The following TMPRSS3 variants were observed in gnomAD, a reference collection of about 807,000 sequenced individuals.
The protein encoded by TMPRSS3 is transmembrane protease serine 3.
A neutral mutation model predicts 59.6 loss-of-function variants in TMPRSS3; 55 were observed. That is an observed-to-expected ratio of 0.92 (90% CI 0.74 to 1.16). The LOEUF (loss-of-function observed/expected upper bound fraction) is 1.16. Ranked by LOEUF, TMPRSS3 falls within the 50% of genes most tolerant of loss-of-function variation. TMPRSS3 has a pLI of 0.00. For synonymous variants in TMPRSS3, 257 were observed against 237.7 expected, an observed-to-expected ratio of 1.08 and a Z score of -0.75; for missense variants, 596 against 579.4, an observed-to-expected ratio of 1.03 and a Z score of -0.29.
chr21:42,383,376 T>C lies in TMPRSS3; in HGVS notation c.617-178A>G. On this transcript the variant is annotated intron_variant, in intron 7 of 12. Coordinates refer to ENST00000644384, the MANE Select transcript of TMPRSS3 (RefSeq NM_001256317.3). ...CTCAGCAGGGGAGGTGGTCAGGCTC[T>C]TGGGGAGACCTGAGGATGGTGGGTG... is the stretch of plus-strand genomic sequence containing the variant. The C allele has an allele frequency of 7.4e-6, 5 of 680,114 alleles. No individual in the cohort carries two copies. The South Asian group carries it at 8.9e-5, about 12-fold the overall frequency. The allele number at this position is 680,114 out of a possible 1,614,324, so 42.1% of individuals were successfully genotyped here.
In TMPRSS3 at chr21:42,382,278, C is replaced by T. The variant is rs374527374; in HGVS notation, c.783-44G>A. 4.5e-6 allele frequency: 7 copies of T among 1,566,552 alleles called. No homozygotes were observed. In the African/African-American group the frequency reaches 9.5e-5, roughly 21 times the overall value. On this transcript the variant is annotated intron_variant, in intron 8 of 12. Coordinates refer to ENST00000644384, the MANE Select transcript of TMPRSS3 (RefSeq NM_001256317.3). ...GAGGTGAAGCACAGGAAAAGTCCAA[C>T]CACTGAACTCATTGACCTCAGGTAT... is the stretch of plus-strand genomic sequence containing the variant.
intron 10 of TMPRSS3, 51 bp from the exon 11 acceptor site, chr21:42,376,734 AAC>A (rs2052436822): frequency 1.9e-6 from 3 of 1,612,636 alleles, no homozygotes; most frequent in African/African-American, 1.3e-5. Flanking sequence ...CCCGGCCCAA[AAC>A]ACAGAAGGCG....
chr21:42,386,332 A>G lies in TMPRSS3; in HGVS notation c.447-798T>C, dbSNP rs548168740. On this transcript the variant is annotated intron_variant, in intron 5 of 12. Coordinates refer to ENST00000644384, the MANE Select transcript of TMPRSS3 (RefSeq NM_001256317.3). ...ATGGGGGTGTGTATGTAGAATACAA[A>G]GTTCAGTCAACTTTGAGTTTTGAGG... Among the ~76,000 whole-genome samples the G allele has an allele frequency of 5.2e-5, 8 of 152,386 alleles. No individual in the cohort carries two copies. The East Asian group carries it at 1.3e-3, about 26-fold the overall frequency.
At position 42,388,517 on chromosome 21, in the gene TMPRSS3, C is replaced by T; in HGVS notation, c.332G>A (p.Gly111Asp). 1 of 1,614,190 alleles carries T rather than the reference C, an allele frequency of 6.2e-7. No individual in the cohort carries two copies. The highest frequency in any genetic ancestry group is 8.5e-7 in the Non-Finnish European group (1 of 1,180,046). ...CACCTGGAGCACGGCATTCTGACCA[C>T]CCACCCGGACTGGCCGATGTGCAGA... Reference protein sequence around the residue: ...GEDEYRCVRVGGQNAVLQVFT... With the variant: ...GEDEYRCVRVDGQNAVLQVFT... The change falls in exon 5 of 13, where the codon GGT (glycine) becomes GAT (aspartate). Residue 111 changes from glycine to aspartate, a missense_variant. Physicochemically the swap from Gly to Asp is moderately conservative, Grantham distance 94. Coordinates refer to ENST00000644384, the MANE Select transcript of TMPRSS3 (RefSeq NM_001256317.3). This position sits in a 1 kb window ranked among gnomAD's most constrained non-coding sequence, Gnocchi z 5.1.
chr21:42,376,525 C>T lies in TMPRSS3; in HGVS notation c.1191+16G>A, dbSNP rs778832786. 25 of 1,612,436 alleles carry T rather than the reference C, an allele frequency of 1.6e-5. No homozygotes were observed. The highest frequency in any genetic ancestry group is 1.7e-4 in the Middle Eastern group (1 of 5,746). On this transcript the variant is annotated intron_variant, in intron 11 of 12. Coordinates refer to ENST00000644384, the MANE Select transcript of TMPRSS3 (RefSeq NM_001256317.3). ...GTCACCCTGCCACGGCCTCGCCCAC[C>T]GCTGCGGCCCCGTACCTGGCAGCTG...
rs1240567443 is a variant in TMPRSS3 at position 42,380,126 on chromosome 21, C to T, written c.1039G>A (p.Glu347Lys). 2 of 1,613,944 alleles carry T rather than the reference C, an allele frequency of 1.2e-6. No homozygotes were observed. Among genetic ancestry groups the T allele is most frequent in the Admixed American group, 1.7e-5 (1 of 59,994 alleles). The change falls in exon 10 of 13, where the codon GAG (glutamate) becomes AAG (lysine). Residue 347 changes from glutamate to lysine, a missense_variant. By Grantham distance (56) the Glu-to-Lys change is moderately conservative (BLOSUM62 1). Transcript: ENST00000644384. ...VCWTSGWGAT[E>K]DGGDASPVLN... ...GCTTCAGCCCACTGACCTCCATCCT[C>T]TGTGGCCCCCCATCCTGACGTCCAG...
chr21:42,383,721 A>C, intron 7 of TMPRSS3: 2 of 693,866 alleles, frequency 2.9e-6, no homozygotes, highest in African/African-American at 1.8e-5. Flanking sequence ...GTGATGGGAC[A>C]TCATGGGCCT....
At position 42,385,544 on chromosome 21, in the gene TMPRSS3, C is replaced by A; in HGVS notation, c.447-10G>T. 2 of 1,614,110 alleles carry A rather than the reference C, an allele frequency of 1.2e-6. No homozygotes were observed. The highest frequency in any genetic ancestry group is 1.7e-6 in the Non-Finnish European group (2 of 1,179,996). On this transcript the variant is annotated splice_polypyrimidine_tract_variant and intron_variant, in intron 5 of 12. Coordinates refer to ENST00000644384, the MANE Select transcript of TMPRSS3 (RefSeq NM_001256317.3). ...ATCTGAACTCACATAGCTGCAAGCACATTGGAAAGACAGACCCGACGTGGT... is the reference window on the plus strand; with the variant it reads ...ATCTGAACTCACATAGCTGCAAGCAAATTGGAAAGACAGACCCGACGTGGT...
chr21:42,386,253 C>A (rs1270768414), intron 5 of TMPRSS3, among the ~76,000 whole-genome samples: 8 of 152,184 alleles, frequency 5.3e-5, no homozygotes, highest in African/African-American at 1.9e-4. Flanking sequence ...GGCTTGTTTT[C>A]ATAGTGAACA....
rs983893971 is a variant in TMPRSS3, at chr21:42,394,445, A to G, written c.94+879T>C. 2.0e-5 allele frequency among the ~76,000 whole-genome samples: 3 copies of G among 152,250 alleles called. No homozygotes were observed. In the East Asian group the frequency reaches 5.8e-4, roughly 29 times the overall value. On this transcript the variant is annotated intron_variant, in intron 2 of 12. Transcript: ENST00000644384. Reference sequence around the variant, plus strand: ...AAAAGCAGGAAGAGACTTTGCAGACATAAAAACCAGGTAAGTTTTGGGAGT... The same window carrying G: ...AAAAGCAGGAAGAGACTTTGCAGACGTAAAAACCAGGTAAGTTTTGGGAGT...
intron 2 of TMPRSS3, among the ~76,000 whole-genome samples, chr21:42,394,973 A>T (rs930266489): frequency 3.9e-5 from 6 of 152,060 alleles, no homozygotes; most frequent in Non-Finnish European, 5.9e-5. Flanking sequence ...TTTCGGAGGG[A>T]CTGGTGGCCA....
intron 2 of TMPRSS3, among the ~76,000 whole-genome samples, chr21:42,392,723 G>T (rs898769340): frequency 1.3e-5 from 2 of 152,200 alleles, no homozygotes; most frequent in Non-Finnish European, 2.9e-5. Context: ...CTATAAGGAT[G>T]CCCACCCTTC....
chr21:42,372,897 T>C lies in TMPRSS3; in HGVS notation c.1345-118A>G, dbSNP rs373136053. On this transcript the variant is annotated intron_variant, in intron 12 of 12. Coordinates refer to ENST00000644384, the MANE Select transcript of TMPRSS3 (RefSeq NM_001256317.3). Reference sequence around the variant, plus strand: ...GGAATTGTGGGGCTGTTCTCCACGATGAAGACAAGGTTGGCCTCCCCCTGG... The same window carrying C: ...GGAATTGTGGGGCTGTTCTCCACGACGAAGACAAGGTTGGCCTCCCCCTGG... 1.2e-5 allele frequency: 16 copies of C among 1,291,568 alleles called. No individual in the cohort carries two copies. In the East Asian group the frequency reaches 2.9e-4, roughly 23 times the overall value. 80.0% of individuals were successfully genotyped at this position (1,291,568 alleles called of 1,614,324 possible).
Position 42,388,585 on chromosome 21 carries a change from G to T in TMPRSS3, c.323-59C>A. On this transcript the variant is annotated intron_variant, in intron 4 of 12. Coordinates refer to ENST00000644384, the MANE Select transcript of TMPRSS3 (RefSeq NM_001256317.3). The surrounding 1 kb of genome is among the most constrained non-coding windows in gnomAD (Gnocchi z 5.1). ...GGCCAGTGGAACCCTGAGACCATAG[G>T]CAGGGGTTTCTCCACAGCCAGCTCA... 5.6e-6 allele frequency: 9 copies of T among 1,612,868 alleles called. No homozygotes were observed. The highest frequency in any genetic ancestry group is 1.3e-5 in the African/African-American group (1 of 74,986).
At chr21:42,380,073 G>T in intron 10 of TMPRSS3, 44 bp downstream of exon 10, 1 of 1,536,706 alleles carries the variant, frequency 6.5e-7, no homozygotes, top group South Asian at 1.1e-5. Context: ...AGCCCTCTGG[G>T]TTCTGAGCCC....
intron 2 of TMPRSS3, among the ~76,000 whole-genome samples, chr21:42,394,786 G>C (rs1203630475): frequency 1.3e-5 from 2 of 152,094 alleles, no homozygotes; most frequent in Admixed American, 6.5e-5. Context: ...GACTATCTCT[G>C]GTCAAAAAGA....
At chr21:42,378,393 A>G (rs1300944814) in intron 10 of TMPRSS3, among the ~76,000 whole-genome samples, 5 of 152,240 alleles carry the variant, frequency 3.3e-5, no homozygotes, top group South Asian at 4.1e-4. Context: ...ATGGAGCCCA[A>G]CCTTATTTGG....
chr21:42,378,980 G>C (rs773112330), intron 10 of TMPRSS3, among the ~76,000 whole-genome samples: 5 of 152,150 alleles, frequency 3.3e-5, no homozygotes, highest in Admixed American at 2.6e-4. Context: ...CGCCTCCTAG[G>C]TTCAAGTGAT....
intron 2 of TMPRSS3, among the ~76,000 whole-genome samples, chr21:42,391,857 C>T (rs2052738773): frequency 6.6e-6 from 1 of 152,132 alleles, no homozygotes; most frequent in South Asian, 2.1e-4. Flanking sequence ...GCCCCTAGAA[C>T]CAGGCAAATC....
Sources: allele counts gnomAD v4.1 joint callset (sites outside exome capture counted in the v4.1 genomes callset), GRCh38; gene constraint gnomAD v4.1.1; non-coding constraint Gnocchi (gnomAD v3.1); transcripts MANE v1.5; gene names NCBI Gene and HGNC (gene_info 2026-07-23, HGNC 2026-07-21).